Variants in CDH13 observed in about 807,000 individuals in gnomAD.
The protein encoded by CDH13 is cadherin 13.
A neutral mutation model predicts 63.8 loss-of-function variants in CDH13; 24 were observed. The observed-to-expected ratio is 0.38, with a 90% CI of 0.27 to 0.53. The LOEUF is 0.53. Among genes scored for constraint, CDH13 ranks in the 20% least tolerant of loss-of-function variants. CDH13 has a pLI of 0.85. For synonymous variants in CDH13, 503 were observed against 355.3 expected (o/e 1.42, Z -4.67); for missense variants, 1,049 against 903.1 (o/e 1.16, Z -2.07).
intron 6 of CDH13, among the ~76,000 whole-genome samples, chr16:83,468,656 C>T (rs1172274810): frequency 6.6e-6 from 1 of 152,202 alleles, no homozygotes; most frequent in African/African-American, 2.4e-5. Flanking sequence ...ATTCAGACTG[C>T]TGCCTCTCTG....
At chr16:83,329,274 G>A (rs953896172) in intron 5 of CDH13, among the ~76,000 whole-genome samples, 3 of 152,182 alleles carry the variant, frequency 2.0e-5, no homozygotes, top group African/African-American at 7.2e-5. Context: ...TGCCCAGGCT[G>A]GAGTGCAGTG....
intron 10 of CDH13, among the ~76,000 whole-genome samples, chr16:83,689,467 G>A (rs1260131231): frequency 2.0e-5 from 3 of 152,182 alleles, no homozygotes; most frequent in Non-Finnish European, 4.4e-5. Flanking sequence ...CAGCAAGCAC[G>A]AGGAGCTTAT....
intron 7 of CDH13, among the ~76,000 whole-genome samples, chr16:83,524,926 C>G (rs182566190): frequency 6.6e-6 from 1 of 152,192 alleles, no homozygotes; most frequent in South Asian, 2.1e-4. Context: ...ATCCTGAATG[C>G]GCATGAGATG....
intron 7 of CDH13, among the ~76,000 whole-genome samples, chr16:83,566,575 T>C (rs1197851328): frequency 1.3e-5 from 2 of 152,102 alleles, no homozygotes; most frequent in Non-Finnish European, 2.9e-5. Context: ...GTGCTTCCTG[T>C]TCCCTGGACC....
intron 6 of CDH13, among the ~76,000 whole-genome samples, chr16:83,443,593 T>A (rs1452915371): frequency 6.6e-6 from 1 of 151,350 alleles, no homozygotes; most frequent in East Asian, 1.9e-4. Context: ...AGTGTCAGAC[T>A]GGGCTGGTGG....
At chr16:83,714,079 C>T (rs1908507002) in intron 10 of CDH13, among the ~76,000 whole-genome samples, 1 of 152,156 alleles carries the variant, frequency 6.6e-6, no homozygotes. Flanking sequence ...AACTCTGGGG[C>T]AGTGAGTGGA....
At chr16:83,366,984 C>A (rs533927008) in intron 6 of CDH13, among the ~76,000 whole-genome samples, 1 of 152,056 alleles carries the variant, frequency 6.6e-6, no homozygotes, top group Non-Finnish European at 1.5e-5. Context: ...AATTCATAGA[C>A]TGTATGATTC....
chr16:83,359,374 A>G (rs982936223), intron 6 of CDH13, among the ~76,000 whole-genome samples: 1 of 152,222 alleles, frequency 6.6e-6, no homozygotes, highest in Non-Finnish European at 1.5e-5. Flanking sequence ...TTTGAGCACC[A>G]TGACCAACAA....
chr16:83,160,577 G>A (rs559504337), intron 4 of CDH13, among the ~76,000 whole-genome samples: 6 of 152,286 alleles, frequency 3.9e-5, no homozygotes, highest in South Asian at 4.1e-4. Context: ...TGTGGTGCTC[G>A]TGTGGCCTTC....
intron 7 of CDH13, among the ~76,000 whole-genome samples, chr16:83,592,825 T>G (rs1301134960): frequency 1.3e-5 from 2 of 152,156 alleles, no homozygotes; most frequent in Admixed American, 6.5e-5. Flanking sequence ...AGAATGTGAA[T>G]GTTCACATTC....
intron 7 of CDH13, among the ~76,000 whole-genome samples, chr16:83,510,241 G>T (rs1338302950): frequency 1.3e-5 from 2 of 152,172 alleles, no homozygotes; most frequent in Non-Finnish European, 2.9e-5. Context: ...AGAAGTGATA[G>T]TTGGATGTGT....
At chr16:82,984,742 A>C (rs1910721500) in intron 2 of CDH13, among the ~76,000 whole-genome samples, 1 of 152,200 alleles carries the variant, frequency 6.6e-6, no homozygotes, top group African/African-American at 2.4e-5. Context: ...GCTGATATTT[A>C]AACCTAGGCA....
intron 1 of CDH13, among the ~76,000 whole-genome samples, chr16:82,735,850 C>T (rs1049533826): frequency 3.9e-5 from 6 of 152,184 alleles, no homozygotes; most frequent in Admixed American, 3.9e-4. Flanking sequence ...GGTGCCAAGC[C>T]AGCCAATAGA....
At chr16:83,444,832 A>G (rs1377353294) in intron 6 of CDH13, among the ~76,000 whole-genome samples, 2 of 152,262 alleles carry the variant, frequency 1.3e-5, no homozygotes, top group Non-Finnish European at 2.9e-5. Flanking sequence ...GCCTGAAGGT[A>G]TAAAATTCCC....
In CDH13 at chr16:83,759,992, C is replaced by T. The variant is rs184615392; in HGVS notation, c.1681+11742C>T. Among the ~76,000 whole-genome samples the T allele has an allele frequency of 1.5e-3, 217 of 149,018 alleles. 3 individuals are homozygous for T. The highest frequency in any genetic ancestry group is 1.2e-3 in the Non-Finnish European group (79 of 67,378). ...TAATCTGTAAGCAAAAGACACAACC[C>T]AAAGAAGAATAGATAAGAGACTTAA... On this transcript the variant is annotated intron_variant, in intron 11 of 13. Coordinates refer to ENST00000567109, the MANE Select transcript of CDH13 (RefSeq NM_001257.5).
intron 7 of CDH13, among the ~76,000 whole-genome samples, chr16:83,555,579 C>T (rs1380262632): frequency 6.6e-6 from 1 of 152,156 alleles, no homozygotes; most frequent in Non-Finnish European, 1.5e-5. Context: ...GAGGGATTTC[C>T]AGATGTAAAG....
intron 6 of CDH13, among the ~76,000 whole-genome samples, chr16:83,405,162 A>G (rs1028897879): frequency 2.0e-5 from 3 of 152,106 alleles, no homozygotes; most frequent in South Asian, 2.1e-4. Context: ...TAACAATTCT[A>G]TGTGCATTCT....
At chr16:83,257,342 G>A (rs1906419348) in intron 5 of CDH13, among the ~76,000 whole-genome samples, 1 of 152,096 alleles carries the variant, frequency 6.6e-6, no homozygotes, top group South Asian at 2.1e-4. Flanking sequence ...ACTAAAAATA[G>A]AATGACAGAA....
chr16:83,199,770 T>A (rs2038972154), intron 4 of CDH13, among the ~76,000 whole-genome samples: 1 of 152,116 alleles, frequency 6.6e-6, no homozygotes, highest in African/African-American at 2.4e-5. Context: ...TTCCATTCTG[T>A]CCTCCCGAGG....
Sources: allele counts gnomAD v4.1 joint callset (sites outside exome capture counted in the v4.1 genomes callset), GRCh38; gene constraint gnomAD v4.1.1; transcripts MANE v1.5; gene names NCBI Gene and HGNC (gene_info 2026-07-23, HGNC 2026-07-21).